CPXM2: variants seen among roughly 807,000 people sequenced by gnomAD.
CPXM2 encodes the protein carboxypeptidase X, M14 family member 2, also known as inactive carboxypeptidase-like protein X2.
A neutral mutation model predicts 86.1 loss-of-function variants in CPXM2; 66 were observed. The ratio of observed to expected loss-of-function variants is 0.77; its 90% CI spans 0.63 to 0.94. CPXM2 has a LOEUF of 0.94. Among genes scored for constraint, CPXM2 ranks in the 40% least tolerant of loss-of-function variants. The probability of loss-of-function intolerance (pLI) is 0.00; values close to 1 mark genes in which losing one functional copy is unlikely to be tolerated. For synonymous variants in CPXM2, 388 were observed against 400.2 expected (o/e 0.97, Z 0.36); for missense variants, 948 against 1,026.3 (o/e 0.92, Z 1.04).
At chr10:123,881,269 G>T (rs1435457594) in intron 1 of CPXM2, among the ~76,000 whole-genome samples, 1 of 59,574 alleles carries the variant, frequency 1.7e-5, no homozygotes, top group Non-Finnish European at 3.4e-5. Context: ...TTCCCTTTAC[G>T]CTCAAGCTAA....
chr10:123,748,633 T>A (rs1846014109), intron 13 of CPXM2, among the ~76,000 whole-genome samples: 2 of 151,836 alleles, frequency 1.3e-5, no homozygotes. Flanking sequence ...GGTGGGCGGC[T>A]CCCTGGCACT....
At chr10:123,838,147 T>C (rs571831709) in intron 4 of CPXM2, among the ~76,000 whole-genome samples, 6 of 152,174 alleles carry the variant, frequency 3.9e-5, no homozygotes, top group Non-Finnish European at 8.8e-5. Context: ...ACAAATAAGA[T>C]TATGCATGTT....
intron 4 of CPXM2, among the ~76,000 whole-genome samples, chr10:123,813,438 T>C (rs181292019): frequency 7.2e-5 from 11 of 152,324 alleles, no homozygotes; most frequent in Non-Finnish European, 1.5e-5. Context: ...CTCTTTTCCC[T>C]AGGTCCTAGG....
At chr10:123,942,352 CA>C (rs1484880468), upstream of CPXM2, among the ~76,000 whole-genome samples, 4 of 152,132 alleles carry the variant, frequency 2.6e-5, no homozygotes, top group Non-Finnish European at 5.9e-5. Context: ...TACGATGTCA[CA>C]GGATGAGATA....
chr10:123,843,370 T>C (rs1262932563), intron 3 of CPXM2: 1 of 422,966 alleles, frequency 2.4e-6, no homozygotes, highest in Non-Finnish European at 4.7e-6. Flanking sequence ...AAAAGGACAT[T>C]TGAACCAAGT....
At chr10:123,768,865 T>C (rs1172367322) in intron 8 of CPXM2, 143 bp from the exon 9 acceptor site, 1 of 678,636 alleles carries the variant, frequency 1.5e-6, no homozygotes, top group Non-Finnish European at 2.4e-6. Flanking sequence ...AACAAACCTC[T>C]AAAATGACAT....
At chr10:123,924,047 G>A (rs554508452) in intron 2 of CPXM2, among the ~76,000 whole-genome samples, 2 of 152,300 alleles carry the variant, frequency 1.3e-5, no homozygotes, top group African/African-American at 4.8e-5. Context: ...TGTAGTAATA[G>A]TATTGTGGTT....
chr10:123,759,360 C>G (rs1044069513), intron 11 of CPXM2, among the ~76,000 whole-genome samples: 1 of 152,034 alleles, frequency 6.6e-6, no homozygotes, highest in Non-Finnish European at 1.5e-5. Flanking sequence ...GAAATAAATG[C>G]GATATTTAAA....
chr10:123,826,221 TC>T (rs1160748874), intron 4 of CPXM2, among the ~76,000 whole-genome samples: 3 of 152,062 alleles, frequency 2.0e-5, no homozygotes, highest in Non-Finnish European at 2.9e-5. Context: ...CTAAGCTTAC[TC>T]CCCCTTCAAT....
chr10:123,837,609 T>C (rs1346493698), intron 4 of CPXM2, among the ~76,000 whole-genome samples: 1 of 152,204 alleles, frequency 6.6e-6, no homozygotes, highest in African/African-American at 2.4e-5. Context: ...AGACTGCTTT[T>C]CATTAGTATA....
At chr10:123,893,655 T>C (rs1278627968), upstream of CPXM2, among the ~76,000 whole-genome samples, 34 of 125,610 alleles carry the variant, frequency 2.7e-4, no homozygotes, top group African/African-American at 9.5e-4. Context: ...TCCCCAACCC[T>C]TCCTGGATCC....
At chr10:123,939,350 C>A (rs1369688947) in intron 2 of CPXM2, 1 of 152,208 alleles carries the variant, frequency 6.6e-6, no homozygotes, top group African/African-American at 2.4e-5. Context: ...TTCAGGAAGT[C>A]CCCTCTTGCC....
At chr10:123,837,189 A>G (rs1375708313) in intron 4 of CPXM2, among the ~76,000 whole-genome samples, 2 of 152,250 alleles carry the variant, frequency 1.3e-5, no homozygotes, top group Admixed American at 6.5e-5. Flanking sequence ...CCAACCAGAA[A>G]GCGAGCGTCT....
intron 1 of CPXM2, among the ~76,000 whole-genome samples, chr10:123,890,550 C>T (rs977961049): frequency 3.2e-4 from 48 of 152,274 alleles, no homozygotes; most frequent in African/African-American, 1.1e-3. Context: ...GCTCATGCCC[C>T]ACTCTTGAAA....
chr10:123,768,320 G>A (rs1324767959), intron 9 of CPXM2: 6 of 259,336 alleles, frequency 2.3e-5, no homozygotes, highest in Admixed American at 1.0e-4. Context: ...GTTGCAGTGA[G>A]CGGAGATCAC....
chr10:123,907,859 A>G (rs1325275197), intron 2 of CPXM2, among the ~76,000 whole-genome samples: 1 of 152,142 alleles, frequency 6.6e-6, no homozygotes, highest in Non-Finnish European at 1.5e-5. Flanking sequence ...AAACCAGGCA[A>G]TACATCAGCA....
At chr10:123,864,218 C>T (rs1848927162) in intron 2 of CPXM2, among the ~76,000 whole-genome samples, 1 of 122,968 alleles carries the variant, frequency 8.1e-6, no homozygotes, top group Non-Finnish European at 1.8e-5. Flanking sequence ...ACCGGTCTGT[C>T]CTGAGAGATC....
At chr10:123,845,657 G>A (rs1382102565) in intron 3 of CPXM2, among the ~76,000 whole-genome samples, 1 of 151,988 alleles carries the variant, frequency 6.6e-6, no homozygotes, top group Non-Finnish European at 1.5e-5. Context: ...AAGAATTTTA[G>A]GGGGAAAAAA....
chr10:123,845,294 A>C (rs371578810), intron 3 of CPXM2, among the ~76,000 whole-genome samples: 263 of 152,058 alleles, frequency 1.7e-3, no homozygotes, highest in African/African-American at 6.0e-3. Flanking sequence ...CAGCTATAGA[A>C]CACCATGCAG....
Sources: allele counts gnomAD v4.1 joint callset (sites outside exome capture counted in the v4.1 genomes callset), GRCh38; gene constraint gnomAD v4.1.1; transcripts MANE v1.5; gene names NCBI Gene and HGNC (gene_info 2026-07-23, HGNC 2026-07-21).